Variants in PXDN observed in about 807,000 individuals in gnomAD.
The protein encoded by PXDN is peroxidasin.
Under a neutral mutation model 140.3 loss-of-function variants are expected in PXDN, and 77 were observed. The ratio of observed to expected loss-of-function variants is 0.55; its 90% CI spans 0.46 to 0.66. PXDN has a LOEUF of 0.66. PXDN is among the 30% of genes least tolerant of loss of function. The pLI, the probability that PXDN is intolerant of heterozygous loss-of-function variation, is 0.00. For synonymous variants in PXDN, 911 were observed against 857.4 expected (o/e 1.06, Z -1.09); for missense variants, 1,838 against 2,039.5 (o/e 0.90, Z 1.90).
At chr2:1,705,493 G>C (rs902378262) in intron 1 of PXDN, among the ~76,000 whole-genome samples, 1 of 148,926 alleles carries the variant, frequency 6.7e-6, no homozygotes, top group African/African-American at 2.5e-5. Flanking sequence ...AGGGTGCAGG[G>C]TGCGGCTCCC....
At chr2:1,635,801 C>A (rs1162846048) in intron 21 of PXDN, 1 of 434,632 alleles carries the variant, frequency 2.3e-6, no homozygotes. Context: ...AAGATTCAAC[C>A]AGATGACGAG....
At chr2:1,666,760 G>A (rs1683454249) in intron 9 of PXDN, among the ~76,000 whole-genome samples, 1 of 152,128 alleles carries the variant, frequency 6.6e-6, no homozygotes, top group Non-Finnish European at 1.5e-5. Context: ...TAAAACATGT[G>A]CCGAACTCCA....
At position 1,676,970 on chromosome 2, in the gene PXDN, C is replaced by T; in HGVS notation, c.805G>A (p.Ala269Thr). 6.2e-7 allele frequency: 1 copy of T among 1,613,098 alleles called. No individual in the cohort carries two copies. The highest frequency in any genetic ancestry group is 8.5e-7 in the Non-Finnish European group (1 of 1,179,608). The change falls in exon 8 of 23, where the codon GCC becomes ACC. Residue 269 changes from alanine to threonine, a missense_variant. Physicochemically the swap from Ala to Thr is moderately conservative, Grantham distance 58 (BLOSUM62 0). Around this residue, in one of 5 missense-constraint regions of PXDN, gnomAD observed 208 missense variants for 325.8 expected, o/e 0.64. Coordinates refer to ENST00000252804, the MANE Select transcript of PXDN (RefSeq NM_012293.3). ...SGNTVYFTCR[A>T]EGNPKPEIIW... ...ATCTCAGGCTTGGGGTTGCCTTCGG[C>T]TCTGCAGGTGAAGTACACGGTGTTC...
At chr2:1,643,189 C>A in intron 19 of PXDN, among the ~76,000 whole-genome samples, 179 bp downstream of exon 19, 1 of 152,316 alleles carries the variant, frequency 6.6e-6, no homozygotes, top group Non-Finnish European at 1.5e-5. Context: ...CAACTTTGTT[C>A]ATATTTTTGG....
intron 1 of PXDN, among the ~76,000 whole-genome samples, chr2:1,719,733 C>T (rs527926566): frequency 1.4e-3 from 206 of 152,280 alleles, no homozygotes; most frequent in African/African-American, 4.5e-3. Flanking sequence ...CAACCAGCTG[C>T]GGTCCAGGAG....
In PXDN at chr2:1,658,070, CTCTCTCT is replaced by C. The variant is rs1558494448; in HGVS notation, c.1837+2804_1837+2810del. ...TCTCTCTCTCTCTCTCTCTCTCTCT[CTCTCTCT>C]CTCTCTCTCTCTCTCTGTTACAGTG... On this transcript the variant is annotated intron_variant, in intron 14 of 22. Coordinates refer to ENST00000252804, the MANE Select transcript of PXDN (RefSeq NM_012293.3). 2.8e-5 allele frequency among the ~76,000 whole-genome samples: 3 copies of C among 108,838 alleles called. 1 individual carries two copies. The highest frequency in any genetic ancestry group is 1.2e-4 in the African/African-American group (3 of 25,552). The allele number at this position is 108,838 out of a possible 152,430, so 71.4% of individuals were successfully genotyped here.
intron 1 of PXDN, among the ~76,000 whole-genome samples, chr2:1,730,844 G>A (rs575263086): frequency 6.6e-6 from 1 of 151,898 alleles, no homozygotes; most frequent in East Asian, 1.9e-4. Context: ...GGTTCCAGTC[G>A]CTGAAACCAT....
chr2:1,646,189 T>C (rs1682846793), intron 17 of PXDN: 1 of 152,294 alleles, frequency 6.6e-6, no homozygotes, highest in Non-Finnish European at 1.5e-5. Flanking sequence ...TTATGTTTCA[T>C]TTCCCCTTAG....
intron 1 of PXDN, among the ~76,000 whole-genome samples, chr2:1,737,305 C>T (rs903975816): frequency 1.7e-4 from 26 of 152,212 alleles, no homozygotes; most frequent in African/African-American, 6.3e-4. Flanking sequence ...AAAGCAACAT[C>T]CTCCAGAATA....
chr2:1,684,697 A>C (rs1684008890), intron 4 of PXDN, among the ~76,000 whole-genome samples: 1 of 152,252 alleles, frequency 6.6e-6, no homozygotes, highest in Admixed American at 6.5e-5. Context: ...GCATTAAATA[A>C]GAGACCATCT....
At position 1,651,840 on chromosome 2, in the gene PXDN, C is replaced by T. The variant is rs888667327; in HGVS notation, c.2104+1788G>A. On this transcript the variant is annotated intron_variant, in intron 16 of 22. Transcript: ENST00000252804. This position sits in a 1 kb window ranked among gnomAD's most constrained non-coding sequence, Gnocchi z 4.4. ...GTGCAGGGGCCTCTCTCTGGTTTTC[C>T]ATCTGCATTTCTCTGGAAGGTCTGA... is the stretch of plus-strand genomic sequence containing the variant. Among the ~76,000 whole-genome samples the T allele has an allele frequency of 6.6e-6, 1 of 152,194 alleles. No individual in the cohort carries two copies. The highest frequency in any genetic ancestry group is 1.5e-5 in the Non-Finnish European group (1 of 68,036).
intron 1 of PXDN, among the ~76,000 whole-genome samples, chr2:1,707,103 G>A (rs111636039): frequency 1.2e-5 from 1 of 85,680 alleles, no homozygotes; most frequent in Non-Finnish European, 2.3e-5. Context: ...CTAAGAGCAC[G>A]CTGCAGTGCT....
chr2:1,659,784 A>C (rs1042396915), intron 14 of PXDN, among the ~76,000 whole-genome samples: 8 of 152,220 alleles, frequency 5.3e-5, no homozygotes, highest in Non-Finnish European at 1.0e-4. Context: ...AAATAAGGTC[A>C]CTTAAGACTT....
chr2:1,709,876 C>T (rs1268901836), intron 1 of PXDN, among the ~76,000 whole-genome samples: 1 of 152,220 alleles, frequency 6.6e-6, no homozygotes, highest in African/African-American at 2.4e-5. Flanking sequence ...CTCACCAGAA[C>T]CCAACTCTGC....
At chr2:1,710,129 C>T (rs181951673) in intron 1 of PXDN, among the ~76,000 whole-genome samples, 135 of 152,256 alleles carry the variant, frequency 8.9e-4, no homozygotes, top group African/African-American at 3.1e-3. Flanking sequence ...GACAAGCTTT[C>T]GGTACATCCC....
chr2:1,720,711 C>CTCTCTCTCTGCATCTCTT (rs1685026390), intron 1 of PXDN, among the ~76,000 whole-genome samples: 1 of 48,214 alleles, frequency 2.1e-5, no homozygotes, highest in African/African-American at 9.0e-5. Context: ...ATCTCTTTCT[C>CTCTCTCTCTGCATCTCTT]TCTCTCTCTC....
At chr2:1,720,627 C>CTT (rs1355906530) in intron 1 of PXDN, among the ~76,000 whole-genome samples, 2 of 151,948 alleles carry the variant, frequency 1.3e-5, no homozygotes, top group African/African-American at 4.8e-5. Context: ...CTCTGCATCT[C>CTT]TTTCTCTCTC....
chr2:1,647,486 G>A (rs933955536), intron 17 of PXDN, among the ~76,000 whole-genome samples: 2 of 152,170 alleles, frequency 1.3e-5, no homozygotes, highest in Non-Finnish European at 2.9e-5. Context: ...CACAGGGTCC[G>A]AGGTCTCCTA....
At position 1,654,401 on chromosome 2, in the gene PXDN, T is replaced by C. The variant is rs775545938; in HGVS notation, c.1945A>G (p.Ser649Gly). The change falls in exon 15 of 23, where the codon AGC becomes GGC. Residue 649 changes from serine (S) to glycine (G), a missense_variant and splice_region_variant. Coordinates refer to ENST00000252804, the MANE Select transcript of PXDN (RefSeq NM_012293.3). ...INSTRTHLFDSRPRSPNDLLA... is the reference protein window; with the variant it reads ...INSTRTHLFDGRPRSPNDLLA... ...AGCGTGTTTACAGCCCCACGATACC[T>C]GTCAAACAAATGTGTTCGGGTTGAG... The C allele has an allele frequency of 1.9e-6, 3 of 1,609,730 alleles. No individual in the cohort carries two copies. Among genetic ancestry groups the C allele is most frequent in the Middle Eastern group, 1.7e-4 (1 of 6,054 alleles).
Sources: allele counts gnomAD v4.1 joint callset (sites outside exome capture counted in the v4.1 genomes callset), GRCh38; gene constraint gnomAD v4.1.1; regional missense constraint gnomAD v4.1.1; non-coding constraint Gnocchi (gnomAD v3.1); transcripts MANE v1.5; gene names NCBI Gene and HGNC (gene_info 2026-07-23, HGNC 2026-07-21).